RBFOX1: variants seen among roughly 807,000 people sequenced by gnomAD.
The protein encoded by RBFOX1 is RNA binding protein fox-1 homolog 1.
RBFOX1 carries 8 observed loss-of-function variants against 57.7 expected under a neutral mutation model. The ratio of observed to expected loss-of-function variants is 0.14; its 90% CI spans 0.08 to 0.25. RBFOX1 has a LOEUF of 0.25. Ranked by LOEUF, RBFOX1 falls within the 10% of genes least tolerant of loss-of-function variation. RBFOX1 has a pLI of 1.00. For missense variants in RBFOX1, 611 were observed against 548.5 expected (o/e 1.11, Z -1.14); for synonymous variants, 326 against 222.4 (o/e 1.47, Z -4.15).
At chr16:6,271,116 T>C (rs181184049) in intron 1 of RBFOX1, among the ~76,000 whole-genome samples, 1 of 152,158 alleles carries the variant, frequency 6.6e-6, no homozygotes, top group African/African-American at 2.4e-5. Flanking sequence ...TAATCTAAAC[T>C]CCCACCTTAA....
chr16:7,686,688 C>T (rs866026812), intron 14 of RBFOX1, among the ~76,000 whole-genome samples: 14 of 152,162 alleles, frequency 9.2e-5, no homozygotes, highest in Middle Eastern at 6.8e-3. Context: ...TCAATTTTTC[C>T]AAATGAAGAA....
intron 3 of RBFOX1, among the ~76,000 whole-genome samples, chr16:6,658,853 A>G (rs1268952908): frequency 2.0e-5 from 3 of 151,752 alleles, no homozygotes; most frequent in Non-Finnish European, 4.4e-5. Context: ...TCCTAGGGAG[A>G]TCCTAAGGGA....
chr16:7,330,783 A>G lies in RBFOX1; in HGVS notation c.28-187364A>G, dbSNP rs561111616. 2.6e-5 allele frequency among the ~76,000 whole-genome samples: 4 copies of G among 152,190 alleles called. No individual in the cohort carries two copies. The East Asian group carries it at 7.8e-4, about 30-fold the overall frequency. On this transcript the variant is annotated intron_variant, in intron 4 of 15. Transcript: ENST00000550418. ...TTTACAACACTAAAGAGACAATTTG[A>G]TCTGACACAGGCCTTACCTAAGTAA...
chr16:6,848,245 G>C (rs1373284488), intron 3 of RBFOX1, among the ~76,000 whole-genome samples: 1 of 152,096 alleles, frequency 6.6e-6, no homozygotes, highest in Non-Finnish European at 1.5e-5. Context: ...CCATTCAAAG[G>C]GAGTCACTTC....
intron 2 of RBFOX1, among the ~76,000 whole-genome samples, chr16:6,506,424 C>G (rs1468871942): frequency 1.3e-5 from 2 of 151,802 alleles, no homozygotes; most frequent in Non-Finnish European, 2.9e-5. Context: ...GTTGGAGAAA[C>G]AAAAGGAGAG....
intron 3 of RBFOX1, among the ~76,000 whole-genome samples, chr16:5,675,611 C>T (rs1246952858): frequency 6.6e-6 from 1 of 152,232 alleles, no homozygotes; most frequent in Non-Finnish European, 1.5e-5. Context: ...AGCCTCAACA[C>T]TGAGCCTTCT....
rs553587527 is a variant in RBFOX1, at chr16:5,259,387, C to T, written c.219+19282C>T. On this transcript the variant is annotated intron_variant, in intron 1 of 2. Coordinates refer to the RBFOX1 transcript ENST00000585867. ...TCATGCAGCCAGCCTGGCTCTGGCT[C>T]TGGCTCTGGGAGCTGGGTTGGGAAC... Among the ~76,000 whole-genome samples, 4 of 152,302 alleles carry T rather than the reference C, an allele frequency of 2.6e-5. No individual in the cohort carries two copies. In the East Asian group the frequency reaches 7.7e-4, roughly 29 times the overall value.
At chr16:5,719,249 T>TGGAGTGCA (rs2051837478) in intron 3 of RBFOX1, among the ~76,000 whole-genome samples, 1 of 148,630 alleles carries the variant, frequency 6.7e-6, no homozygotes, top group African/African-American at 2.5e-5. Flanking sequence ...TCTCCCAGGC[T>TGGAGTGCA]GGAGTGCAGT....
chr16:5,840,592 A>T (rs971169899), intron 3 of RBFOX1, among the ~76,000 whole-genome samples: 3 of 152,156 alleles, frequency 2.0e-5, no homozygotes, highest in Admixed American at 1.3e-4. Context: ...TAAATGGGGG[A>T]AGGAGTTGCT....
chr16:6,478,402 TATATATATATATATA>T lies in RBFOX1; in HGVS notation c.-64+161346_-64+161360del, dbSNP rs1567367953. 2.4e-3 allele frequency among the ~76,000 whole-genome samples: 27 copies of T among 11,286 alleles called. 1 individual carries two copies. The highest frequency in any genetic ancestry group is 8.5e-3 in the African/African-American group (26 of 3,066). The allele number at this position is 11,286 out of a possible 152,430, so 7.4% of individuals were successfully genotyped here. A position where few individuals can be genotyped will look rare whatever the true frequency, so the allele number is the denominator to read the frequency against. On this transcript the variant is annotated intron_variant, in intron 2 of 15. Coordinates refer to ENST00000550418, the MANE Select transcript of RBFOX1 (RefSeq NM_018723.4). ...TACACCCAGCTAATATATATATATATATATATATATATATATATATATATATATTTTTTTTTTTTT... is the reference window on the plus strand; with the variant it reads ...TACACCCAGCTAATATATATATATATTATATATATATATTTTTTTTTTTTT...
intron 3 of RBFOX1, among the ~76,000 whole-genome samples, chr16:5,752,545 C>G (rs1472434204): frequency 6.6e-6 from 1 of 152,176 alleles, no homozygotes; most frequent in Non-Finnish European, 1.5e-5. Flanking sequence ...ACTGTGCTTT[C>G]CAGAAAATAA....
At chr16:6,311,677 T>G (rs2080330388) in intron 1 of RBFOX1, among the ~76,000 whole-genome samples, 1 of 152,194 alleles carries the variant, frequency 6.6e-6, no homozygotes, top group Non-Finnish European at 1.5e-5. Flanking sequence ...CATGAATCTT[T>G]CGCATGGCAG....
intron 3 of RBFOX1, among the ~76,000 whole-genome samples, chr16:5,620,093 C>G (rs1377459348): frequency 6.6e-6 from 1 of 152,000 alleles, no homozygotes; most frequent in African/African-American, 2.4e-5. Context: ...GCTTACTTTC[C>G]TAGTTCAGCA....
At chr16:7,489,363 A>G (rs531535798) in intron 4 of RBFOX1, among the ~76,000 whole-genome samples, 1 of 152,254 alleles carries the variant, frequency 6.6e-6, no homozygotes, top group Non-Finnish European at 1.5e-5. Flanking sequence ...AATAGCAAAT[A>G]TTAATCTCTT....
intron 4 of RBFOX1, among the ~76,000 whole-genome samples, chr16:5,928,134 C>G (rs1407401061): frequency 2.0e-5 from 3 of 152,006 alleles, no homozygotes; most frequent in Non-Finnish European, 4.4e-5. Context: ...TGCTCTGTCA[C>G]CCAGGCTGGA....
At chr16:7,695,510 G>C (rs978482378) in intron 14 of RBFOX1, among the ~76,000 whole-genome samples, 3 of 151,894 alleles carry the variant, frequency 2.0e-5, no homozygotes, top group Admixed American at 1.3e-4. Flanking sequence ...AAAATTAGCC[G>C]GGTGTGGTGG....
rs1329307531 is a variant in RBFOX1 at position 5,937,348 on chromosome 16, G to C, written c.351+70013G>C. Among the ~76,000 whole-genome samples, 4 of 152,134 alleles carry C rather than the reference G, an allele frequency of 2.6e-5. No individual in the cohort carries two copies. In the East Asian group the frequency reaches 7.7e-4, roughly 29 times the overall value. On this transcript the variant is annotated intron_variant, in intron 4 of 19. Transcript: ENST00000641259. ...GTATCCCTGTCCTCAGAGAACTGAA[G>C]ACCTCTACCTGCCATTAAGCAAATG...
intron 4 of RBFOX1, among the ~76,000 whole-genome samples, chr16:5,986,745 A>C (rs937607889): frequency 6.6e-6 from 1 of 152,196 alleles, no homozygotes; most frequent in East Asian, 1.9e-4. Context: ...ATAGTGTCCC[A>C]TGGTATGAAT....
intron 1 of RBFOX1, among the ~76,000 whole-genome samples, chr16:6,286,435 C>T (rs1323139191): frequency 1.3e-5 from 2 of 152,200 alleles, no homozygotes; most frequent in Admixed American, 6.5e-5. Context: ...GGCTGAGTTG[C>T]TCAAAGTCTC....
Sources: allele counts gnomAD v4.1 joint callset (sites outside exome capture counted in the v4.1 genomes callset), GRCh38; gene constraint gnomAD v4.1.1; transcripts MANE v1.5; gene names NCBI Gene and HGNC (gene_info 2026-07-23, HGNC 2026-07-21).